The following CDKL4 variants were observed in gnomAD, a reference collection of about 807,000 sequenced individuals.
The protein encoded by CDKL4 is cyclin dependent kinase like 4.
In CDKL4, 44 loss-of-function variants were observed where a neutral mutation model predicts 42.0. The observed-to-expected ratio is 1.05, with a 90% confidence interval of 0.82 to 1.35. The LOEUF is 1.35. Ranked by LOEUF, CDKL4 falls within the 40% of genes most tolerant of loss-of-function variation. CDKL4 has a pLI of 0.00. For missense variants in CDKL4, 393 were observed against 369.9 expected, an observed-to-expected ratio of 1.06 and a Z score of -0.51; for synonymous variants, 120 against 121.6, an observed-to-expected ratio of 0.99 and a Z score of 0.09.
At chr2:39,194,243 G>T (rs1299760830) in intron 5 of CDKL4, among the ~76,000 whole-genome samples, 5 of 152,124 alleles carry the variant, frequency 3.3e-5, no homozygotes, top group African/African-American at 1.2e-4. Context: ...GATCACTTGA[G>T]GCCAGAAGTT....
intron 1 of CDKL4, among the ~76,000 whole-genome samples, chr2:39,242,837 C>A (rs1184703210): frequency 6.6e-6 from 1 of 151,998 alleles, no homozygotes; most frequent in Non-Finnish European, 1.5e-5. Flanking sequence ...GTGGCTCACA[C>A]CTGTAATCCC....
At chr2:39,172,932 C>T (rs1400569494), downstream of CDKL4, among the ~76,000 whole-genome samples, 3 of 152,118 alleles carry the variant, frequency 2.0e-5, no homozygotes, top group East Asian at 1.9e-4. Flanking sequence ...TTTTTCTAAG[C>T]ATTAGATGCT....
upstream of CDKL4, among the ~76,000 whole-genome samples, chr2:39,244,593 C>T (rs1173946274): frequency 2.6e-5 from 4 of 152,220 alleles, no homozygotes; most frequent in Non-Finnish European, 5.9e-5. Flanking sequence ...CGGAACCTTC[C>T]CGACGAGTGC....
At chr2:39,224,393 A>T (rs1191147718) in intron 3 of CDKL4, among the ~76,000 whole-genome samples, 2 of 151,946 alleles carry the variant, frequency 1.3e-5, no homozygotes, top group Admixed American at 1.3e-4. Context: ...AAATCCTTAC[A>T]TATCTCAGTT....
chr2:39,189,846 G>A (rs1426208883), intron 6 of CDKL4, among the ~76,000 whole-genome samples: 1 of 152,238 alleles, frequency 6.6e-6, no homozygotes, highest in African/African-American at 2.4e-5. Flanking sequence ...AACTGCAACA[G>A]AGGCTGTACA....
At chr2:39,195,202 C>T (rs1254652811) in intron 5 of CDKL4, among the ~76,000 whole-genome samples, 1 of 152,182 alleles carries the variant, frequency 6.6e-6, no homozygotes, top group Non-Finnish European at 1.5e-5. Context: ...TTTATCCACT[C>T]ATCCTTGATG....
intron 8 of CDKL4, among the ~76,000 whole-genome samples, chr2:39,179,681 G>A (rs928924274): frequency 1.5e-4 from 23 of 152,292 alleles, no homozygotes; most frequent in East Asian, 1.4e-3. Flanking sequence ...CTAGAAATGC[G>A]AAGTCTTGGG....
intron 5 of CDKL4, 100 bp from the exon 6 acceptor site, chr2:39,190,602 C>T: frequency 1.1e-6 from 1 of 924,254 alleles, no homozygotes; most frequent in Non-Finnish European, 1.7e-6. Flanking sequence ...CCATCAGAGG[C>T]CATGATACTC....
chr2:39,211,614 C>T (rs1161831863), intron 4 of CDKL4, among the ~76,000 whole-genome samples: 1 of 151,898 alleles, frequency 6.6e-6, no homozygotes. Context: ...ATAAAAGTAA[C>T]CAGAGTCCAT....
In CDKL4 at chr2:39,199,772, T is replaced by C. The variant is rs777382627; in HGVS notation, c.454+4755A>G. Reference sequence around the variant, plus strand: ...TCTCAATAGATGCAGAAAAAGCACTTGACAAAATTCAGCATTGCTTTATGA... The same window carrying C: ...TCTCAATAGATGCAGAAAAAGCACTCGACAAAATTCAGCATTGCTTTATGA... On this transcript the variant is annotated intron_variant, in intron 5 of 9. Coordinates refer to ENST00000451199, the Ensembl canonical transcript of CDKL4. Among the ~76,000 whole-genome samples the C allele has an allele frequency of 7.6e-4, 116 of 152,192 alleles. 2 individuals carry two copies. The highest frequency in any genetic ancestry group is 4.8e-3 in the Admixed American group (73 of 15,286).
In CDKL4 at chr2:39,212,122, A is replaced by G. The variant is rs1475897209; in HGVS notation, c.363+1278T>C. 3.9e-5 allele frequency among the ~76,000 whole-genome samples: 6 copies of G among 152,356 alleles called. No homozygotes were observed. The East Asian group carries it at 9.6e-4, about 24-fold the overall frequency. ...ATTCTTGGGGCCCTACCCAAGACTG[A>G]CTGAATCAGAAACTCTGGGGGTGGG... On this transcript the variant is annotated intron_variant, in intron 4 of 9. Transcript: ENST00000451199.
At chr2:39,220,917 T>A (rs1324523472) in intron 3 of CDKL4, among the ~76,000 whole-genome samples, 2 of 138,746 alleles carry the variant, frequency 1.4e-5, no homozygotes, top group African/African-American at 5.2e-5. Flanking sequence ...ATTTAGTCGT[T>A]GGGTCCCTTC....
At chr2:39,171,209 C>T (rs1220285238), downstream of CDKL4, among the ~76,000 whole-genome samples, 1 of 149,404 alleles carries the variant, frequency 6.7e-6, no homozygotes, top group Non-Finnish European at 1.5e-5. Context: ...ACTGCACTCT[C>T]GTCTGGGCGA....
chr2:39,186,460 G>A (rs980059684), intron 7 of CDKL4, among the ~76,000 whole-genome samples: 2 of 152,146 alleles, frequency 1.3e-5, no homozygotes, highest in African/African-American at 4.8e-5. Context: ...TTTACAGGCA[G>A]ATTCTGGACC....
chr2:39,222,600 A>C (rs1678446030), intron 3 of CDKL4, among the ~76,000 whole-genome samples: 1 of 152,020 alleles, frequency 6.6e-6, no homozygotes. Context: ...TAAATAAATA[A>C]ATAAATAAAT....
downstream of CDKL4, among the ~76,000 whole-genome samples, chr2:39,171,453 A>C (rs957888036): frequency 6.6e-6 from 1 of 152,180 alleles, no homozygotes; most frequent in Admixed American, 6.6e-5. Context: ...ACTTTTCAGC[A>C]ATTCAGTCTA....
At chr2:39,188,560 CAAAAAAAAAAAAAAAA>C (rs34568815) in intron 6 of CDKL4, among the ~76,000 whole-genome samples, 4 of 45,240 alleles carry the variant, frequency 8.8e-5, no homozygotes, top group African/African-American at 5.0e-4. Context: ...CAGTCCGTCT[CAAAAAAAAAAAAAAAA>C]AAAAAAAAAA....
intron 1 of CDKL4, among the ~76,000 whole-genome samples, chr2:39,235,762 C>T (rs1192344034): frequency 6.6e-6 from 1 of 151,882 alleles, no homozygotes; most frequent in Non-Finnish European, 1.5e-5. Flanking sequence ...GAAACAACAA[C>T]CACAACAACA....
intron 5 of CDKL4, among the ~76,000 whole-genome samples, chr2:39,192,539 A>T (rs13029408): frequency 0.78 from 116,468 of 150,120 alleles, 48,503 homozygotes; most frequent in Non-Finnish European, 0.93. Context: ...TTAAAAAAAA[A>T]TTTTTTTTTT....
Sources: gnomAD v4.1 joint callset for allele counts (sites outside exome capture counted in the v4.1 genomes callset) on GRCh38, gnomAD v4.1.1 for gene constraint, MANE v1.5 for transcripts, NCBI Gene and HGNC (gene_info 2026-07-23, HGNC 2026-07-21) for gene names.